Variants in DPP9 observed in about 807,000 individuals in gnomAD.
DPP9 encodes dipeptidyl peptidase 9.
Under a neutral mutation model 110.7 loss-of-function variants are expected in DPP9, and 50 were observed. The ratio of observed to expected loss-of-function variants is 0.45; its 90% confidence interval spans 0.36 to 0.57. DPP9 has a LOEUF of 0.57. Ranked by LOEUF, DPP9 falls within the 20% of genes least tolerant of loss-of-function variation. DPP9 has a pLI of 0.00. For synonymous variants in DPP9, 561 were observed against 514.4 expected, an observed-to-expected ratio of 1.09 and a Z score of -1.23; for missense variants, 1,022 against 1,217.9, an observed-to-expected ratio of 0.84 and a Z score of 2.39.
At chr19:4,709,106 A>G (rs1206116789) in intron 4 of DPP9, among the ~76,000 whole-genome samples, 1 of 151,816 alleles carries the variant, frequency 6.6e-6, no homozygotes, top group African/African-American at 2.4e-5. Flanking sequence ...TTTAGTAGAG[A>G]CAGGGGTTTC....
chr19:4,676,694 C>G lies in DPP9; in HGVS notation c.2587-38G>C. On this transcript the variant is annotated intron_variant, in intron 21 of 21. Transcript: ENST00000262960. The surrounding 1 kb of genome is among the most constrained non-coding windows in gnomAD (Gnocchi z 4.0). ...AGGAGGCAGGGCTGGGGGGCGTGGC[C>G]GGACCACCCCCGTGTCCTAGGCTCC... 1 of 1,529,248 alleles carries G rather than the reference C, an allele frequency of 6.5e-7. No individual in the cohort carries two copies. Among genetic ancestry groups the G allele is most frequent in the Non-Finnish European group, 8.9e-7 (1 of 1,122,314 alleles). 94.7% of individuals were successfully genotyped at this position (1,529,248 alleles called of 1,614,324 possible).
In DPP9 at chr19:4,682,866, CAG is replaced by C. The variant is rs148398571; in HGVS notation, c.2332-30_2332-29del. ...GAGGGACACAGCAGACAGATGGGGGCAGAGAGAGAGAGAGAAACAGGCGTCGG... is the reference window on the plus strand; with the variant it reads ...GAGGGACACAGCAGACAGATGGGGGCAGAGAGAGAGAGAAACAGGCGTCGG... On this transcript the variant is annotated intron_variant, in intron 19 of 21. Transcript: ENST00000262960. This position sits in a 1 kb window ranked among gnomAD's most constrained non-coding sequence, Gnocchi z 7.1. 0.019 allele frequency: 19,803 copies of C among 1,066,222 alleles called. No individual in the cohort carries two copies. Among genetic ancestry groups the C allele is most frequent in the South Asian group, 0.052 (1,965 of 38,010 alleles). The allele number at this position is 1,066,222 out of a possible 1,614,324, so 66.0% of individuals were successfully genotyped here.
At chr19:4,686,016 G>C (rs1263118155) in intron 16 of DPP9, 17 of 445,798 alleles carry the variant, frequency 3.8e-5, no homozygotes, top group Admixed American at 2.8e-4. Flanking sequence ...GGCCTCAAGC[G>C]ATCCTCCCAC....
rs538229987 is a variant in DPP9, at chr19:4,697,643, C to T, written c.1083G>A (p.Ser361=). ...FQTDSQGKIV[S]TQEKELVQPF... ...GCTGCACCAGCTCCTTCTCCTGGGT[C>T]GAGACGATCTGAAGGGAAACAAACA... Residue 361 remains serine (S), a synonymous_variant, in exon 11 of 22, where the codon TCG becomes TCA. Transcript: ENST00000262960. The T allele has an allele frequency of 1.7e-5, 28 of 1,613,744 alleles. No homozygotes were observed. The highest frequency in any genetic ancestry group is 4.0e-5 in the African/African-American group (3 of 75,050).
chr19:4,679,688 C>T (rs2089520716), intron 21 of DPP9, 147 bp downstream of exon 21: 1 of 640,404 alleles, frequency 1.6e-6, no homozygotes, highest in Non-Finnish European at 2.8e-6. Context: ...AGGGCGGGGA[C>T]ACAGGGCTGT....
chr19:4,686,039 T>C (rs2090652653), intron 16 of DPP9: 2 of 353,204 alleles, frequency 5.7e-6, no homozygotes, highest in Admixed American at 8.2e-5. Context: ...CGGCCTCCTG[T>C]GTAGGGTCAC....
chr19:4,684,565 G>T lies in DPP9; in HGVS notation c.2178+98C>A. On this transcript the variant is annotated intron_variant, in intron 18 of 21. Coordinates refer to ENST00000262960, the MANE Select transcript of DPP9 (RefSeq NM_139159.5). The surrounding 1 kb of genome is among the most constrained non-coding windows in gnomAD (Gnocchi z 4.8). ...CCCAGCCAGAAGTGCCCTTCTGCGGGTGGTATTCCAGAGCCGCTCCCATGC... is the reference window on the plus strand; with the variant it reads ...CCCAGCCAGAAGTGCCCTTCTGCGGTTGGTATTCCAGAGCCGCTCCCATGC... The T allele has an allele frequency of 1.4e-6, 2 of 1,422,632 alleles. No homozygotes were observed. The highest frequency in any genetic ancestry group is 2.3e-5 in the Admixed American group (1 of 44,430). 88.1% of individuals were successfully genotyped at this position (1,422,632 alleles called of 1,614,324 possible).
intron 8 of DPP9, 92 bp from the exon 9 acceptor site, chr19:4,702,247 A>G: frequency 3.4e-6 from 5 of 1,471,522 alleles, no homozygotes; most frequent in Non-Finnish European, 3.6e-6. Context: ...CGGGGCCTGA[A>G]GATGGGCACC....
chr19:4,684,859 G>C lies in DPP9; in HGVS notation c.2032-50C>G. 6.4e-7 allele frequency: 1 copy of C among 1,558,794 alleles called. No individual in the cohort carries two copies. Among genetic ancestry groups the C allele is most frequent in the Non-Finnish European group, 8.7e-7 (1 of 1,151,756 alleles). ...TCCAGCACGAGATGCCGGGCAGGACGGGCCTGGCAGGGGAGATGCCGGTGG... is the reference window on the plus strand; with the variant it reads ...TCCAGCACGAGATGCCGGGCAGGACCGGCCTGGCAGGGGAGATGCCGGTGG... On this transcript the variant is annotated intron_variant, in intron 17 of 21. Transcript: ENST00000262960. The surrounding 1 kb of genome is among the most constrained non-coding windows in gnomAD (Gnocchi z 4.8).
chr19:4,689,844 C>T lies in DPP9; in HGVS notation c.1597-122G>A, dbSNP rs1481469154. On this transcript the variant is annotated intron_variant, in intron 14 of 21. Transcript: ENST00000262960. The surrounding 1 kb of genome is among the most constrained non-coding windows in gnomAD (Gnocchi z 7.0). ...ACTGGGGACGCATGCTGTCCTCGCC[C>T]AAGTCTGGCTTTAGGGCTGGAGATG... is the stretch of plus-strand genomic sequence containing the variant. The T allele has an allele frequency of 2.7e-6, 3 of 1,120,644 alleles. No individual in the cohort carries two copies. The highest frequency in any genetic ancestry group is 3.7e-6 in the Non-Finnish European group (3 of 814,936). 69.4% of individuals were successfully genotyped at this position (1,120,644 alleles called of 1,614,324 possible). A position where few individuals can be genotyped will look rare whatever the true frequency, so the allele number is the denominator to read the frequency against.
In DPP9 at chr19:4,695,698, TAACCCTGCAGCACCCACAG is replaced by T; in HGVS notation, c.1176-162_1176-144del. 1 of 617,548 alleles carries T rather than the reference TAACCCTGCAGCACCCACAG, an allele frequency of 1.6e-6. No individual in the cohort carries two copies. Among genetic ancestry groups the T allele is most frequent in the South Asian group, 3.1e-5 (1 of 32,770 alleles). 38.3% of individuals were successfully genotyped at this position (617,548 alleles called of 1,614,324 possible). ...CTGGCTTCACCTGCACTTGGCCAAG[TAACCCTGCAGCACCCACAG>T]GCTTCCTTCCTGGCACATGCTTAGG... is the stretch of plus-strand genomic sequence containing the variant. On this transcript the variant is annotated intron_variant, in intron 11 of 21. Transcript: ENST00000262960. This position sits in a 1 kb window ranked among gnomAD's most constrained non-coding sequence, Gnocchi z 4.7.
chr19:4,690,228 G>A (rs1284177523), intron 14 of DPP9, among the ~76,000 whole-genome samples: 7 of 152,344 alleles, frequency 4.6e-5, no homozygotes, highest in South Asian at 2.1e-4. Flanking sequence ...GTGGAGCAGC[G>A]GGGCCCCTCC....
chr19:4,703,795 G>A, intron 7 of DPP9, 91 bp downstream of exon 7: 1 of 1,393,488 alleles, frequency 7.2e-7, no homozygotes, highest in Middle Eastern at 2.4e-4. Flanking sequence ...AGGGGTGTGT[G>A]CAGGAAGACC....
chr19:4,696,544 A>G (rs1476018333), intron 11 of DPP9, among the ~76,000 whole-genome samples: 3 of 152,122 alleles, frequency 2.0e-5, no homozygotes, highest in Non-Finnish European at 4.4e-5. Context: ...GCGGATCACA[A>G]GGTCACGAGT....
chr19:4,695,245 A>G lies in DPP9; in HGVS notation c.1353+133T>C, dbSNP rs909114553. On this transcript the variant is annotated intron_variant, in intron 12 of 21. Transcript: ENST00000262960. The surrounding 1 kb of genome is among the most constrained non-coding windows in gnomAD (Gnocchi z 4.7). ...CTTCCCTGCCAGCCAGGGATGGCCAAGGCCTGAGCTCACTTCTCCACACAA... is the reference window on the plus strand; with the variant it reads ...CTTCCCTGCCAGCCAGGGATGGCCAGGGCCTGAGCTCACTTCTCCACACAA... 32 of 1,016,306 alleles carry G rather than the reference A, an allele frequency of 3.1e-5. No homozygotes were observed. The highest frequency in any genetic ancestry group is 4.5e-5 in the Non-Finnish European group (32 of 718,228). The allele number at this position is 1,016,306 out of a possible 1,614,324, so 63.0% of individuals were successfully genotyped here.
At chr19:4,696,395 G>A (rs1164967958) in intron 11 of DPP9, among the ~76,000 whole-genome samples, 1 of 151,708 alleles carries the variant, frequency 6.6e-6, no homozygotes, top group Non-Finnish European at 1.5e-5. Flanking sequence ...TGAGGTGGGC[G>A]GGTCGCTTGA....
At chr19:4,709,528 C>A (rs1745105270) in intron 4 of DPP9, among the ~76,000 whole-genome samples, 1 of 152,134 alleles carries the variant, frequency 6.6e-6, no homozygotes, top group Non-Finnish European at 1.5e-5. Context: ...CCTGCCCGTC[C>A]GGCCGCCCAT....
rs76286771 is a variant in DPP9, at chr19:4,693,152, G to A, written c.1516+1509C>T. 6.6e-6 allele frequency among the ~76,000 whole-genome samples: 1 copy of A among 152,226 alleles called. No individual in the cohort carries two copies. The highest frequency in any genetic ancestry group is 2.4e-5 in the African/African-American group (1 of 41,550). ...CTGGAGGTGCTCCTGGCATGGAGTG[G>A]GTGGAGGCCAGGGATGCCACTTGGT... On this transcript the variant is annotated intron_variant, in intron 13 of 21. Transcript: ENST00000262960. The surrounding 1 kb of genome is among the most constrained non-coding windows in gnomAD (Gnocchi z 5.0).
intron 16 of DPP9, 48 bp downstream of exon 16, chr19:4,688,709 C>T (rs745748684): frequency 2.9e-6 from 4 of 1,378,316 alleles, no homozygotes; most frequent in Non-Finnish European, 2.8e-6. Context: ...TCCCGTTTTA[C>T]AGCCGGGCGG....
Sources: gnomAD v4.1 joint callset for allele counts (sites outside exome capture counted in the v4.1 genomes callset) on GRCh38, gnomAD v4.1.1 for gene constraint, Gnocchi (gnomAD v3.1) non-coding constraint, MANE v1.5 for transcripts, NCBI Gene and HGNC (gene_info 2026-07-23, HGNC 2026-07-21) for gene names.